Variants in CFAP299 observed in about 807,000 individuals in gnomAD.
The protein encoded by CFAP299 is cilia and flagella associated protein 299.
In CFAP299, 21 loss-of-function variants were observed where a neutral mutation model predicts 27.0. That is an observed-to-expected ratio of 0.78 (90% CI 0.55 to 1.12). The LOEUF (loss-of-function observed/expected upper bound fraction) is 1.12, where lower values mean the gene tolerates loss of function less well. Among genes scored for constraint, CFAP299 ranks in the 50% most tolerant of loss-of-function variants. CFAP299 has a pLI of 0.00. For synonymous variants in CFAP299, 104 were observed against 98.1 expected (o/e 1.06, Z -0.36); for missense variants, 310 against 276.6 (o/e 1.12, Z -0.86).
intron 3 of CFAP299, among the ~76,000 whole-genome samples, chr4:80,802,000 T>C (rs1728637384): frequency 6.6e-6 from 1 of 152,130 alleles, no homozygotes; most frequent in African/African-American, 2.4e-5. Flanking sequence ...AAAGCCATTT[T>C]CTGTTGAAGC....
At chr4:80,666,906 C>T (rs1741168516) in intron 3 of CFAP299, among the ~76,000 whole-genome samples, 1 of 152,158 alleles carries the variant, frequency 6.6e-6, no homozygotes, top group South Asian at 2.1e-4. Flanking sequence ...AATGATTAAA[C>T]ATTTCTCCTG....
At chr4:80,432,069 TTATAGA>T (rs1560564804) in intron 2 of CFAP299, among the ~76,000 whole-genome samples, 1 of 152,226 alleles carries the variant, frequency 6.6e-6, no homozygotes, top group Non-Finnish European at 1.5e-5. Flanking sequence ...ATAATCTCAC[TTATAGA>T]TAGGAAAATC....
chr4:80,941,095 T>C (rs771057532), intron 4 of CFAP299, among the ~76,000 whole-genome samples: 24 of 152,132 alleles, frequency 1.6e-4, no homozygotes, highest in Non-Finnish European at 2.9e-4. Context: ...TCCTCTATAT[T>C]TTTAGTCATC....
chr4:80,470,821 T>A (rs541026661), intron 2 of CFAP299, among the ~76,000 whole-genome samples: 1 of 152,190 alleles, frequency 6.6e-6, no homozygotes, highest in South Asian at 2.1e-4. Context: ...AGGGTAGGGG[T>A]GAGATATGTA....
chr4:80,702,718 G>A (rs981211085), intron 3 of CFAP299, among the ~76,000 whole-genome samples: 2 of 151,704 alleles, frequency 1.3e-5, no homozygotes, highest in Admixed American at 6.6e-5. Context: ...TAAGCATATG[G>A]GTTCTCAATA....
At chr4:80,340,718 A>C (rs1184445143) in intron 1 of CFAP299, among the ~76,000 whole-genome samples, 1 of 151,990 alleles carries the variant, frequency 6.6e-6, no homozygotes, top group Non-Finnish European at 1.5e-5. Flanking sequence ...GGAGTCCCTC[A>C]CCCCTCACAA....
chr4:80,870,744 T>C, intron 4 of CFAP299: 1 of 985,454 alleles, frequency 1.0e-6, no homozygotes, highest in African/African-American at 1.7e-5. Context: ...TACTTAACTA[T>C]AGAACCCCAA....
intron 3 of CFAP299, among the ~76,000 whole-genome samples, chr4:80,866,262 G>A (rs1283116599): frequency 6.6e-6 from 1 of 150,922 alleles, no homozygotes; most frequent in Non-Finnish European, 1.5e-5. Context: ...GGCATTTTCT[G>A]GTTGAAAATT....
At chr4:80,923,100 A>T (rs570876506) in intron 4 of CFAP299, among the ~76,000 whole-genome samples, 1 of 152,138 alleles carries the variant, frequency 6.6e-6, no homozygotes, top group African/African-American at 2.4e-5. Context: ...CCAAGGGGGA[A>T]CATTTGCTAG....
intron 3 of CFAP299, among the ~76,000 whole-genome samples, chr4:80,799,312 A>ATATATAAATATATTTATATAATATT (rs1483446253): frequency 1.1e-4 from 11 of 103,766 alleles, no homozygotes; most frequent in African/African-American, 4.6e-4. Context: ...TAATATTTAT[A>ATATATAAATATATTTATATAATATT]TATATAAATA....
intron 3 of CFAP299, among the ~76,000 whole-genome samples, chr4:80,793,436 G>A (rs756008540): frequency 1.3e-5 from 2 of 151,724 alleles, no homozygotes; most frequent in South Asian, 2.1e-4. Flanking sequence ...ATCTCCTTTG[G>A]CAACACTCTC....
intron 2 of CFAP299, among the ~76,000 whole-genome samples, chr4:80,515,768 T>A (rs1732553806): frequency 6.6e-6 from 1 of 152,176 alleles, no homozygotes. Context: ...TTATTTCACA[T>A]GCATTTATTT....
At chr4:80,720,809 G>A (rs1470433384) in intron 3 of CFAP299, among the ~76,000 whole-genome samples, 1 of 151,964 alleles carries the variant, frequency 6.6e-6, no homozygotes, top group African/African-American at 2.4e-5. Flanking sequence ...CAGAAAATTG[G>A]TAAAGATGGT....
intron 3 of CFAP299, among the ~76,000 whole-genome samples, chr4:80,799,812 T>TATATATTATATATTATATAATATA (rs1553893122): frequency 2.8e-5 from 1 of 36,112 alleles, no homozygotes; most frequent in African/African-American, 1.3e-4. Context: ...AATATATAAA[T>TATATATTATATATTATATAATATA]ATATATATTA....
intron 3 of CFAP299, among the ~76,000 whole-genome samples, chr4:80,797,906 A>G (rs1232746368): frequency 6.6e-6 from 1 of 152,056 alleles, no homozygotes; most frequent in Non-Finnish European, 1.5e-5. Context: ...TTTAATCCAT[A>G]TTTCAGCTAA....
chr4:80,350,250 G>A (rs1310431871), intron 1 of CFAP299, among the ~76,000 whole-genome samples: 2 of 152,088 alleles, frequency 1.3e-5, no homozygotes, highest in East Asian at 1.9e-4. Flanking sequence ...AACCCACAGA[G>A]CCAAGAAGTT....
intron 4 of CFAP299, among the ~76,000 whole-genome samples, chr4:80,922,884 A>G (rs1313816218): frequency 6.7e-6 from 1 of 149,686 alleles, no homozygotes; most frequent in Non-Finnish European, 1.5e-5. Context: ...AATATAATCT[A>G]TACATACATA....
chr4:80,662,298 C>G (rs570500452), intron 3 of CFAP299, among the ~76,000 whole-genome samples: 1 of 151,890 alleles, frequency 6.6e-6, no homozygotes, highest in African/African-American at 2.4e-5. Flanking sequence ...CCCCTGGACA[C>G]CCAGCTTTAA....
chr4:80,842,530 T>G (rs1730919756), intron 3 of CFAP299, among the ~76,000 whole-genome samples: 1 of 152,160 alleles, frequency 6.6e-6, no homozygotes, highest in Non-Finnish European at 1.5e-5. Context: ...GTATGTTTTA[T>G]TGTGAATGTA....
Sources: gnomAD v4.1 joint callset for allele counts (sites outside exome capture counted in the v4.1 genomes callset) on GRCh38, gnomAD v4.1.1 for gene constraint, MANE v1.5 for transcripts, NCBI Gene and HGNC (gene_info 2026-07-23, HGNC 2026-07-21) for gene names.